KIRREL3: variants seen among roughly 807,000 people sequenced by gnomAD.
KIRREL3 encodes kin of IRRE-like protein 3.
A neutral mutation model predicts 89.7 loss-of-function variants in KIRREL3; 36 were observed. The observed-to-expected ratio is 0.40, with a 90% CI of 0.31 to 0.53. The LOEUF (loss-of-function observed/expected upper bound fraction) is 0.53, where lower values mean the gene tolerates loss of function less well. KIRREL3 is among the 20% of genes least tolerant of loss of function. KIRREL3 has a pLI of 0.49. For synonymous variants in KIRREL3, 445 were observed against 441.4 expected (o/e 1.01, Z -0.10); for missense variants, 864 against 1,056.6 (o/e 0.82, Z 2.53).
intron 2 of KIRREL3, among the ~76,000 whole-genome samples, chr11:126,529,039 G>T (rs1214152639): frequency 6.6e-6 from 1 of 152,184 alleles, no homozygotes; most frequent in Non-Finnish European, 1.5e-5. Flanking sequence ...CGTGGAGGGG[G>T]TTATAATGAG....
At chr11:126,581,459 C>T (rs1240389877) in intron 1 of KIRREL3, among the ~76,000 whole-genome samples, 4 of 152,194 alleles carry the variant, frequency 2.6e-5, no homozygotes, top group Non-Finnish European at 4.4e-5. Flanking sequence ...TCCTCAGCCT[C>T]CCAAAGTGCT....
intron 5 of KIRREL3, among the ~76,000 whole-genome samples, chr11:126,469,817 C>T (rs548468871): frequency 2.6e-4 from 40 of 152,368 alleles, no homozygotes; most frequent in African/African-American, 8.7e-4. Flanking sequence ...CTGCTGCTCC[C>T]TGGACAAGCC....
chr11:126,511,138 A>G (rs1255488564), intron 4 of KIRREL3, among the ~76,000 whole-genome samples: 1 of 151,782 alleles, frequency 6.6e-6, no homozygotes, highest in Non-Finnish European at 1.5e-5. Flanking sequence ...GGATGTCACC[A>G]GGTATGCCAT....
chr11:126,810,597 C>A (rs1951349998), intron 1 of KIRREL3, among the ~76,000 whole-genome samples: 2 of 152,078 alleles, frequency 1.3e-5, no homozygotes, highest in Non-Finnish European at 1.5e-5. Context: ...GACAATAAGG[C>A]CAGAGATCAT....
chr11:126,904,251 T>G lies in KIRREL3; in HGVS notation c.55+96204A>C, dbSNP rs538780549. 6.6e-6 allele frequency among the ~76,000 whole-genome samples: 1 copy of G among 152,368 alleles called. No individual in the cohort carries two copies. The highest frequency in any genetic ancestry group is 2.1e-4 in the South Asian group (1 of 4,832). On this transcript the variant is annotated intron_variant, in intron 1 of 16. Transcript: ENST00000525144. This position sits in a 1 kb window ranked among gnomAD's most constrained non-coding sequence, Gnocchi z 4.4. ...AACTTCAGATGAGATATTCCAAGTT[T>G]CATTTAGCACAACATATAGATGGTT...
At chr11:126,813,134 T>C (rs1951442988) in intron 1 of KIRREL3, among the ~76,000 whole-genome samples, 3 of 152,010 alleles carry the variant, frequency 2.0e-5, no homozygotes, top group Admixed American at 2.0e-4. Flanking sequence ...TTTAGGGAGG[T>C]AGAAAAAATT....
chr11:126,614,759 G>A lies in KIRREL3; in HGVS notation c.56-51847C>T, dbSNP rs911613235. 6.6e-6 allele frequency among the ~76,000 whole-genome samples: 1 copy of A among 152,172 alleles called. No homozygotes were observed. The highest frequency in any genetic ancestry group is 2.4e-5 in the African/African-American group (1 of 41,436). ...GTGATTCTGTGCTGGGGTTCGAGGTGTCTCCGCTGGGAGACTCTGGGGAGA... is the reference window on the plus strand; with the variant it reads ...GTGATTCTGTGCTGGGGTTCGAGGTATCTCCGCTGGGAGACTCTGGGGAGA... On this transcript the variant is annotated intron_variant, in intron 1 of 16. Transcript: ENST00000525144. This position sits in a 1 kb window ranked among gnomAD's most constrained non-coding sequence, Gnocchi z 4.6.
rs1001068893 is a variant in KIRREL3, at chr11:126,491,846, C to T, written c.434-18380G>A. On this transcript the variant is annotated intron_variant, in intron 4 of 16. Transcript: ENST00000525144. This position sits in a 1 kb window ranked among gnomAD's most constrained non-coding sequence, Gnocchi z 5.5. Reference sequence around the variant, plus strand: ...CTGCCTGAGTAGCTGGGACTACAGGCGCGCACCACCATGCCTGGCTAATTT... The same window carrying T: ...CTGCCTGAGTAGCTGGGACTACAGGTGCGCACCACCATGCCTGGCTAATTT... Among the ~76,000 whole-genome samples the T allele has an allele frequency of 2.0e-5, 3 of 152,128 alleles. No individual in the cohort carries two copies. In the East Asian group the frequency reaches 5.8e-4, roughly 29 times the overall value.
chr11:126,492,893 A>C lies in KIRREL3; in HGVS notation c.434-19427T>G. Among the ~76,000 whole-genome samples, 1 of 152,072 alleles carries C rather than the reference A, an allele frequency of 6.6e-6. No homozygotes were observed. Among genetic ancestry groups the C allele is most frequent in the Non-Finnish European group, 1.5e-5 (1 of 68,012 alleles). On this transcript the variant is annotated intron_variant, in intron 4 of 16. Coordinates refer to ENST00000525144, the MANE Select transcript of KIRREL3 (RefSeq NM_032531.4). The surrounding 1 kb of genome is among the most constrained non-coding windows in gnomAD (Gnocchi z 4.8). ...CAAGGTTGGTCTCCAGAAAAGACAG[A>C]CCAGGGGATGAGGGTGGAGGAATTA...
intron 1 of KIRREL3, among the ~76,000 whole-genome samples, chr11:126,590,152 T>A (rs189987761): frequency 6.6e-6 from 1 of 152,356 alleles, no homozygotes; most frequent in Admixed American, 6.5e-5. Context: ...CTCTTCCTCA[T>A]TTGACATGGT....
chr11:126,766,999 G>T lies in KIRREL3; in HGVS notation c.56-204087C>A, dbSNP rs1949844766. Reference sequence around the variant, plus strand: ...ACTCTGCATTGAGGAGGGGGTACTTGGTGGCTCTTTGTGGGTAAGAGGGCA... The same window carrying T: ...ACTCTGCATTGAGGAGGGGGTACTTTGTGGCTCTTTGTGGGTAAGAGGGCA... On this transcript the variant is annotated intron_variant, in intron 1 of 16. Coordinates refer to ENST00000525144, the MANE Select transcript of KIRREL3 (RefSeq NM_032531.4). The surrounding 1 kb of genome is among the most constrained non-coding windows in gnomAD (Gnocchi z 4.2). Among the ~76,000 whole-genome samples, 1 of 152,210 alleles carries T rather than the reference G, an allele frequency of 6.6e-6. No individual in the cohort carries two copies. The highest frequency in any genetic ancestry group is 1.5e-5 in the Non-Finnish European group (1 of 68,036).
rs1291820064 is a variant in KIRREL3 at position 126,432,721 on chromosome 11, CTT to C, written c.1589-1197_1589-1196del. On this transcript the variant is annotated intron_variant, in intron 13 of 16. Coordinates refer to ENST00000525144, the MANE Select transcript of KIRREL3 (RefSeq NM_032531.4). The surrounding 1 kb of genome is among the most constrained non-coding windows in gnomAD (Gnocchi z 6.2). ...CTGCTGAGCAACTGACTTTGCCTCT[CTT>C]ATATCTGTAGGATGGGGATAATGGT... Among the ~76,000 whole-genome samples, 1 of 152,142 alleles carries C rather than the reference CTT, an allele frequency of 6.6e-6. No individual in the cohort carries two copies. Among genetic ancestry groups the C allele is most frequent in the African/African-American group, 2.4e-5 (1 of 41,424 alleles).
chr11:126,810,648 T>C (rs187057009), intron 1 of KIRREL3, among the ~76,000 whole-genome samples: 1 of 152,300 alleles, frequency 6.6e-6, no homozygotes, highest in African/African-American at 2.4e-5. Context: ...CCTAGCATTT[T>C]AGAGGCTGCT....
intron 4 of KIRREL3, among the ~76,000 whole-genome samples, chr11:126,478,613 ATGTGTGTATG>A (rs1565487011): frequency 4.7e-5 from 5 of 107,278 alleles, no homozygotes; most frequent in African/African-American, 1.7e-4. Context: ...ATGCATGTAT[ATGTGTGTATG>A]TGTGTATGCG....
rs56325662 is a variant in KIRREL3, at chr11:126,681,609, GAC to G, written c.56-118699_56-118698del. ...GTGTGCTCCTGGGAATGTATATACA[GAC>G]ACACACACACACACACCAGATCAAG... On this transcript the variant is annotated intron_variant, in intron 1 of 16. Coordinates refer to ENST00000525144, the MANE Select transcript of KIRREL3 (RefSeq NM_032531.4). Among the ~76,000 whole-genome samples the G allele has an allele frequency of 4.3e-4, 64 of 150,370 alleles. No individual in the cohort carries two copies. The East Asian group carries it at 9.4e-3, about 22-fold the overall frequency.
intron 1 of KIRREL3, among the ~76,000 whole-genome samples, chr11:126,789,507 A>T (rs917565238): frequency 1.3e-5 from 2 of 152,026 alleles, no homozygotes; most frequent in Non-Finnish European, 2.9e-5. Flanking sequence ...GTCTGTACAC[A>T]TTGCTTCCAC....
intron 1 of KIRREL3, among the ~76,000 whole-genome samples, chr11:126,720,529 G>A (rs918845063): frequency 3.3e-5 from 5 of 152,212 alleles, no homozygotes; most frequent in Non-Finnish European, 7.3e-5. Flanking sequence ...AAAAGCATTA[G>A]GTGGGTGAAA....
At chr11:126,453,195 A>AG (rs950698132) in intron 7 of KIRREL3, among the ~76,000 whole-genome samples, 1 of 152,102 alleles carries the variant, frequency 6.6e-6, no homozygotes, top group Non-Finnish European at 1.5e-5. Context: ...TCACAGAATC[A>AG]GGGGGGCTGG....
At chr11:126,548,074 T>G (rs1213417597) in intron 2 of KIRREL3, among the ~76,000 whole-genome samples, 2 of 152,132 alleles carry the variant, frequency 1.3e-5, no homozygotes, top group African/African-American at 2.4e-5. Flanking sequence ...GTCAGCTCCA[T>G]CTCTCTTCCC....
Sources: allele counts gnomAD v4.1 joint callset (sites outside exome capture counted in the v4.1 genomes callset), GRCh38; gene constraint gnomAD v4.1.1; non-coding constraint Gnocchi (gnomAD v3.1); transcripts MANE v1.5; gene names NCBI Gene and HGNC (gene_info 2026-07-23, HGNC 2026-07-21).